PPP2R5C: variants seen among roughly 807,000 people sequenced by gnomAD.
PPP2R5C encodes protein phosphatase 2 regulatory subunit B'gamma, also known as serine/threonine-protein phosphatase 2A 56 kDa regulatory subunit gamma isoform.
PPP2R5C carries 7 observed loss-of-function variants against 68.9 expected under a neutral mutation model. That is an observed-to-expected ratio of 0.10 (90% CI 0.06 to 0.19). PPP2R5C has a LOEUF of 0.19. PPP2R5C is among the 10% of genes least tolerant of loss of function. The pLI is 1.00. For synonymous variants in PPP2R5C, 210 were observed against 222.2 expected (o/e 0.95, Z 0.49); for missense variants, 348 against 641.3 (o/e 0.54, Z 4.94).
Position 101,828,477 on chromosome 14 carries a change from C to T in PPP2R5C, c.94+18441C>T, listed in dbSNP as rs191490550. ...AGACCTGAAGGTGTAGGGGGAGTGT[C>T]GTATTCAGAGGATATACATCAAGGC... On this transcript the variant is annotated intron_variant, in intron 1 of 13. Coordinates refer to ENST00000334743, the Ensembl canonical transcript of PPP2R5C. Among the ~76,000 whole-genome samples, 6 of 152,022 alleles carry T rather than the reference C, an allele frequency of 3.9e-5. No individual in the cohort carries two copies. In the East Asian group the frequency reaches 1.2e-3, roughly 29 times the overall value.
At chr14:101,887,295 T>C (rs2044589383) in intron 5 of PPP2R5C, among the ~76,000 whole-genome samples, 1 of 152,204 alleles carries the variant, frequency 6.6e-6, no homozygotes, top group South Asian at 2.1e-4. Flanking sequence ...CCATGGGTCA[T>C]GCTCTATCCT....
chr14:101,777,980 G>A (rs1595133704), intron 2 of PPP2R5C, among the ~76,000 whole-genome samples: 1 of 151,802 alleles, frequency 6.6e-6, no homozygotes, highest in South Asian at 2.1e-4. Context: ...ATATTGCCCA[G>A]ACTGGTCTTG....
At chr14:101,790,535 T>C (rs1226281752) in intron 3 of PPP2R5C, among the ~76,000 whole-genome samples, 1 of 152,236 alleles carries the variant, frequency 6.6e-6, no homozygotes, top group African/African-American at 2.4e-5. Flanking sequence ...TTACACCTGC[T>C]GTAAGGTTTT....
At position 101,825,388 on chromosome 14, in the gene PPP2R5C, G is replaced by A. The variant is rs2040337843; in HGVS notation, c.94+15352G>A. Reference sequence around the variant, plus strand: ...CTGCTATGATTTTAGCCACTTAACTGGCTAGAACAGTTTTGAAAGGCCAAG... The same window carrying A: ...CTGCTATGATTTTAGCCACTTAACTAGCTAGAACAGTTTTGAAAGGCCAAG... On this transcript the variant is annotated intron_variant, in intron 1 of 13. Transcript: ENST00000334743. This position sits in a 1 kb window ranked among gnomAD's most constrained non-coding sequence, Gnocchi z 4.0. Among the ~76,000 whole-genome samples, 1 of 152,116 alleles carries A rather than the reference G, an allele frequency of 6.6e-6. No homozygotes were observed. Among genetic ancestry groups the A allele is most frequent in the African/African-American group, 2.4e-5 (1 of 41,406 alleles).
At chr14:101,832,620 GGAGACACAC>G (rs1414923976) in intron 1 of PPP2R5C, among the ~76,000 whole-genome samples, 5 of 152,144 alleles carry the variant, frequency 3.3e-5, no homozygotes, top group Admixed American at 6.5e-5. Context: ...TACAAGCAGT[GGAGACACAC>G]TTGGGCTTGC....
chr14:101,765,524 T>A, intron 2 of PPP2R5C: 2 of 374,126 alleles, frequency 5.3e-6, no homozygotes, highest in Non-Finnish European at 9.7e-6. Flanking sequence ...TATTTTAACC[T>A]GAACAATTTA....
At chr14:101,863,684 G>A (rs1352289289) in intron 2 of PPP2R5C, among the ~76,000 whole-genome samples, 3 of 152,080 alleles carry the variant, frequency 2.0e-5, no homozygotes, top group Non-Finnish European at 4.4e-5. Flanking sequence ...ATCATGTGAG[G>A]TTGGGAGTTC....
At chr14:101,871,715 A>C (rs563713024) in intron 2 of PPP2R5C, among the ~76,000 whole-genome samples, 22 of 151,980 alleles carry the variant, frequency 1.4e-4, no homozygotes, top group Non-Finnish European at 2.8e-4. Context: ...CTTTTGGATC[A>C]ATTGAGTACT....
chr14:101,812,709 C>G (rs2039439232), intron 1 of PPP2R5C, among the ~76,000 whole-genome samples: 1 of 152,138 alleles, frequency 6.6e-6, no homozygotes, highest in South Asian at 2.1e-4. Flanking sequence ...ATTTATTAAT[C>G]ATTTTACAAA....
chr14:101,797,283 G>A lies in PPP2R5C; in HGVS notation c.259+11100G>A. 6.6e-6 allele frequency: 3 copies of A among 456,060 alleles called. No homozygotes were observed. Among genetic ancestry groups the A allele is most frequent in the Non-Finnish European group, 1.3e-5 (3 of 226,792 alleles). The allele number at this position is 456,060 out of a possible 1,614,324, so 28.3% of individuals were successfully genotyped here. ...CTGATGCCATCCTTCAGTGATGTGT[G>A]GACGGACACATTCCGCGTATCCCCC... On this transcript the variant is annotated intron_variant, in intron 3 of 14. Coordinates refer to the PPP2R5C transcript ENST00000328724. The surrounding 1 kb of genome is among the most constrained non-coding windows in gnomAD (Gnocchi z 4.2).
rs1288444801 is a variant in PPP2R5C, at chr14:101,888,615, A to G, written c.630-1622A>G. ...TTGTTTTGTTTTGTTTTTTGTTTTG[A>G]AACAGGGTCTCTGTTGCCCAGGCTG... On this transcript the variant is annotated intron_variant, in intron 5 of 13. Coordinates refer to ENST00000334743, the Ensembl canonical transcript of PPP2R5C. The surrounding 1 kb of genome is among the most constrained non-coding windows in gnomAD (Gnocchi z 5.6). Among the ~76,000 whole-genome samples, 2 of 151,752 alleles carry G rather than the reference A, an allele frequency of 1.3e-5. No individual in the cohort carries two copies. Among genetic ancestry groups the G allele is most frequent in the Non-Finnish European group, 2.9e-5 (2 of 67,948 alleles).
intron 2 of PPP2R5C, among the ~76,000 whole-genome samples, chr14:101,860,282 T>G (rs1182097887): frequency 2.0e-5 from 3 of 152,206 alleles, no homozygotes; most frequent in Non-Finnish European, 4.4e-5. Flanking sequence ...ACATTTCATG[T>G]AAGTGGAATT....
upstream of PPP2R5C, among the ~76,000 whole-genome samples, chr14:101,761,292 C>T (rs1403506292): frequency 6.6e-6 from 1 of 152,182 alleles, no homozygotes; most frequent in African/African-American, 2.4e-5. Context: ...TTCAAATGTG[C>T]ATTTCCTACG....
chr14:101,761,066 G>C, upstream of PPP2R5C, among the ~76,000 whole-genome samples: 1 of 136,176 alleles, frequency 7.3e-6, no homozygotes, highest in South Asian at 2.6e-4. Flanking sequence ...GGGAGTGGAG[G>C]GAGAGGAGGG....
intron 3 of PPP2R5C, among the ~76,000 whole-genome samples, chr14:101,793,960 C>T (rs2038489324): frequency 6.6e-6 from 1 of 152,224 alleles, no homozygotes; most frequent in African/African-American, 2.4e-5. Flanking sequence ...TTTCCAACAT[C>T]CAACTCTAGT....
chr14:101,784,657 G>C (rs2038003587), intron 2 of PPP2R5C, among the ~76,000 whole-genome samples: 2 of 152,198 alleles, frequency 1.3e-5, no homozygotes, highest in Non-Finnish European at 2.9e-5. Flanking sequence ...ATTACAATTT[G>C]AGATGAGATT....
chr14:101,886,053 G>A (rs554001538), intron 5 of PPP2R5C, among the ~76,000 whole-genome samples: 5 of 152,276 alleles, frequency 3.3e-5, no homozygotes, highest in East Asian at 3.9e-4. Context: ...AGGCCGAGGC[G>A]GGCAGATCAC....
chr14:101,829,735 G>A (rs2040621884), intron 1 of PPP2R5C, among the ~76,000 whole-genome samples: 1 of 152,152 alleles, frequency 6.6e-6, no homozygotes, highest in African/African-American at 2.4e-5. Flanking sequence ...AGCAGGCAAC[G>A]TGAGGTGCCC....
chr14:101,788,320 T>C (rs913285835), intron 3 of PPP2R5C, among the ~76,000 whole-genome samples: 3 of 152,240 alleles, frequency 2.0e-5, no homozygotes, highest in African/African-American at 7.2e-5. Flanking sequence ...CTCCTTAAGA[T>C]GTTAAGATTA....
Sources: allele counts gnomAD v4.1 joint callset (sites outside exome capture counted in the v4.1 genomes callset), GRCh38; gene constraint gnomAD v4.1.1; non-coding constraint Gnocchi (gnomAD v3.1); transcripts MANE v1.5; gene names NCBI Gene and HGNC (gene_info 2026-07-23, HGNC 2026-07-21).